GRIA1: variants seen among roughly 807,000 people sequenced by gnomAD.
GRIA1 encodes glutamate receptor 1.
Under a neutral mutation model 99.2 loss-of-function variants are expected in GRIA1, and 31 were observed. The ratio of observed to expected loss-of-function variants is 0.31; its 90% CI spans 0.23 to 0.42. The LOEUF (loss-of-function observed/expected upper bound fraction) is 0.42. Ranked by LOEUF, GRIA1 falls within the 10% of genes least tolerant of loss-of-function variation. The probability of loss-of-function intolerance (pLI) is 1.00; values close to 1 mark genes in which losing one functional copy is unlikely to be tolerated. For synonymous variants in GRIA1, 438 were observed against 432.4 expected, an observed-to-expected ratio of 1.01 and a Z score of -0.16; for missense variants, 782 against 1,157.5, an observed-to-expected ratio of 0.68 and a Z score of 4.71.
intron 11 of GRIA1, among the ~76,000 whole-genome samples, chr5:153,729,699 C>T (rs113005570): frequency 0.015 from 2,246 of 152,200 alleles, 55 homozygotes; most frequent in African/African-American, 0.051. Context: ...GAATAAACAA[C>T]ATTCCCTTTC....
At chr5:153,733,804 G>C (rs1761200829) in intron 11 of GRIA1, among the ~76,000 whole-genome samples, 1 of 152,086 alleles carries the variant, frequency 6.6e-6, no homozygotes, top group Admixed American at 6.5e-5. Context: ...CATTGATCAA[G>C]AGGATATAAT....
chr5:153,563,824 T>A (rs72800795), intron 2 of GRIA1, among the ~76,000 whole-genome samples: 14,712 of 152,222 alleles, frequency 0.097, 786 homozygotes, highest in South Asian at 0.19. Flanking sequence ...TCTCAAATTG[T>A]TCTCTTTTCA....
chr5:153,703,386 A>G (rs1758667020), intron 10 of GRIA1, among the ~76,000 whole-genome samples: 1 of 152,232 alleles, frequency 6.6e-6, no homozygotes, highest in Non-Finnish European at 1.5e-5. Context: ...GTTATTAACC[A>G]TCCTTCCAGA....
At chr5:153,765,267 T>G (rs927487385) in intron 12 of GRIA1, among the ~76,000 whole-genome samples, 2 of 152,138 alleles carry the variant, frequency 1.3e-5, no homozygotes, top group Admixed American at 1.3e-4. Context: ...ATCCCTTACT[T>G]GTTCTGTACA....
chr5:153,490,990 G>T lies in GRIA1; in HGVS notation c.82+20G>T. ...AGATCGGTGAGTGAGGGGGCAGCCT[G>T]GGGAGGGACTTTCTGGGTCTGGCCA... On this transcript the variant is annotated intron_variant, in intron 1 of 15. Coordinates refer to ENST00000285900, the MANE Select transcript of GRIA1 (RefSeq NM_000827.4). 6.2e-7 allele frequency: 1 copy of T among 1,608,510 alleles called. No individual in the cohort carries two copies. Among genetic ancestry groups the T allele is most frequent in the Non-Finnish European group, 8.5e-7 (1 of 1,174,932 alleles).
At chr5:153,678,000 G>A (rs1211607966) in intron 7 of GRIA1, among the ~76,000 whole-genome samples, 1 of 152,218 alleles carries the variant, frequency 6.6e-6, no homozygotes, top group Admixed American at 6.5e-5. Flanking sequence ...AAGGGACAGG[G>A]AGAGGATGGC....
chr5:153,642,027 GT>G (rs1753809095), intron 2 of GRIA1, among the ~76,000 whole-genome samples: 1 of 152,278 alleles, frequency 6.6e-6, no homozygotes, highest in South Asian at 2.1e-4. Context: ...CAAAGAATAG[GT>G]GTGTATGTGT....
chr5:153,749,393 A>G (rs1292563897), intron 11 of GRIA1, among the ~76,000 whole-genome samples: 1 of 152,148 alleles, frequency 6.6e-6, no homozygotes, highest in Non-Finnish European at 1.5e-5. Flanking sequence ...AAAGAAGTTT[A>G]TTTAGCTCAC....
intron 15 of GRIA1, among the ~76,000 whole-genome samples, chr5:153,809,809 G>A (rs1766690435): frequency 6.6e-6 from 1 of 152,192 alleles, no homozygotes; most frequent in African/African-American, 2.4e-5. Context: ...TACTGCACGA[G>A]TACAAGATGA....
At chr5:153,584,414 C>G (rs893182542) in intron 2 of GRIA1, among the ~76,000 whole-genome samples, 2 of 152,174 alleles carry the variant, frequency 1.3e-5, no homozygotes, top group Admixed American at 1.3e-4. Flanking sequence ...TATTGGTTGT[C>G]GTGCCCAATT....
chr5:153,652,847 A>G (rs1754673898), intron 4 of GRIA1, among the ~76,000 whole-genome samples: 1 of 152,310 alleles, frequency 6.6e-6, no homozygotes, highest in East Asian at 1.9e-4. Flanking sequence ...TAATGAGCCT[A>G]CAACTTATAT....
chr5:153,527,983 C>T (rs1355747941), intron 2 of GRIA1, among the ~76,000 whole-genome samples: 5 of 152,260 alleles, frequency 3.3e-5, no homozygotes, highest in Middle Eastern at 3.4e-3. Flanking sequence ...TAGTTATATA[C>T]ATTTGTAAAT....
chr5:153,536,049 C>T (rs1023253129), intron 2 of GRIA1, among the ~76,000 whole-genome samples: 10 of 152,156 alleles, frequency 6.6e-5, no homozygotes, highest in African/African-American at 2.4e-4. Context: ...TGTTCCACAC[C>T]TGGGGAAATC....
At chr5:153,714,732 G>A (rs1262095203) in intron 11 of GRIA1, among the ~76,000 whole-genome samples, 2 of 152,212 alleles carry the variant, frequency 1.3e-5, no homozygotes, top group Non-Finnish European at 2.9e-5. Context: ...GGAGCCTGAT[G>A]GTTTTGAATA....
chr5:153,644,859 G>A (rs77687707), intron 2 of GRIA1, among the ~76,000 whole-genome samples: 11,265 of 151,624 alleles, frequency 0.074, 547 homozygotes, highest in Non-Finnish European at 0.11. Context: ...TGAGCTTGGA[G>A]CCCAGAGGAA....
chr5:153,721,096 C>T (rs565656783), intron 11 of GRIA1, among the ~76,000 whole-genome samples: 1 of 152,238 alleles, frequency 6.6e-6, no homozygotes, highest in East Asian at 1.9e-4. Flanking sequence ...ATCAGCCTTC[C>T]CTAGTAAGCT....
intron 6 of GRIA1, 89 bp from the exon 7 acceptor site, chr5:153,676,905 A>G: frequency 9.1e-7 from 1 of 1,100,288 alleles, no homozygotes; most frequent in East Asian, 2.9e-5. Context: ...CCTTCTCATC[A>G]CCAGAAAACA....
intron 11 of GRIA1, among the ~76,000 whole-genome samples, chr5:153,712,840 T>G (rs1243252490): frequency 6.6e-6 from 1 of 152,186 alleles, no homozygotes; most frequent in Non-Finnish European, 1.5e-5. Flanking sequence ...GCGTCAGAAT[T>G]ACCTGGGATG....
chr5:153,742,748 A>ATATC (rs1761894840), intron 11 of GRIA1, among the ~76,000 whole-genome samples: 1 of 152,104 alleles, frequency 6.6e-6, no homozygotes, highest in South Asian at 2.1e-4. Context: ...CTCATGCTTT[A>ATATC]TATCTTTCCT....
Sources: gnomAD v4.1 joint callset for allele counts (sites outside exome capture counted in the v4.1 genomes callset) on GRCh38, gnomAD v4.1.1 for gene constraint, MANE v1.5 for transcripts, NCBI Gene and HGNC (gene_info 2026-07-23, HGNC 2026-07-21) for gene names.